The following APBA1 variants were observed in gnomAD, a reference collection of about 807,000 sequenced individuals.
APBA1 encodes amyloid-beta A4 precursor protein-binding family A member 1.
A neutral mutation model predicts 86.6 loss-of-function variants in APBA1; 55 were observed. The ratio of observed to expected loss-of-function variants is 0.64; its 90% confidence interval spans 0.51 to 0.80. The LOEUF (loss-of-function observed/expected upper bound fraction) is 0.80, where lower values mean the gene tolerates loss of function less well. APBA1 is among the 30% of genes least tolerant of loss of function. The pLI is 0.00. For synonymous variants in APBA1, 511 were observed against 493.9 expected, an observed-to-expected ratio of 1.03 and a Z score of -0.46; for missense variants, 1,090 against 1,183.0, an observed-to-expected ratio of 0.92 and a Z score of 1.15.
At position 69,517,120 on chromosome 9, in the gene APBA1, G is replaced by A. The variant is rs1395282358; in HGVS notation, c.91C>T (p.His31Tyr). ...TGCTGTTCCTCTTCCACCTCGGGGTGCTCCAGGTCGGCCTCCACCGACTCG... is the reference window on the plus strand; with the variant it reads ...TGCTGTTCCTCTTCCACCTCGGGGTACTCCAGGTCGGCCTCCACCGACTCG... ...VNESVEADLE[H>Y]PEVEEEQQQP... Residue 31 changes from histidine to tyrosine, a missense_variant, in exon 2 of 13, where the codon CAC becomes TAC. This residue lies in a region of APBA1 where 678 missense variants were observed against 647.1 expected (regional missense o/e 1.05). Transcript: ENST00000265381. 1.3e-6 allele frequency: 2 copies of A among 1,571,960 alleles called. No homozygotes were observed. Among genetic ancestry groups the A allele is most frequent in the Non-Finnish European group, 1.7e-6 (2 of 1,161,662 alleles).
chr9:69,545,570 G>A (rs931063521), intron 1 of APBA1, among the ~76,000 whole-genome samples: 1 of 152,198 alleles, frequency 6.6e-6, no homozygotes, highest in Admixed American at 6.5e-5. Flanking sequence ...TAGTCATAAA[G>A]CGTTGGATTT....
At chr9:69,527,638 T>C (rs928878803) in intron 1 of APBA1, among the ~76,000 whole-genome samples, 1 of 152,092 alleles carries the variant, frequency 6.6e-6, no homozygotes, top group African/African-American at 2.4e-5. Context: ...ACTGAGCCCA[T>C]AAAGTGATAC....
rs554514430 is a variant in APBA1, at chr9:69,609,662, C to A, written c.-70+62491G>T. On this transcript the variant is annotated intron_variant, in intron 1 of 12. Transcript: ENST00000265381. ...GGGATCAAAGTGAGCTCACTTCAGA[C>A]AAATGTGCAGCCCCTAGAATTGAGT... Among the ~76,000 whole-genome samples the A allele has an allele frequency of 2.6e-5, 4 of 152,314 alleles. No individual in the cohort carries two copies. The South Asian group carries it at 8.3e-4, about 32-fold the overall frequency.
chr9:69,561,857 C>T (rs1220927788), intron 1 of APBA1, among the ~76,000 whole-genome samples: 2 of 152,040 alleles, frequency 1.3e-5, no homozygotes, highest in Admixed American at 6.6e-5. Flanking sequence ...GAACTCCTGA[C>T]CTCAGGTGAT....
Position 69,531,145 on chromosome 9 carries a change from C to T in APBA1, c.-69-13866G>A, listed in dbSNP as rs568185951. ...TCATCAAAATCCATAGTGTATCTTA[C>T]ACTAGAGCACATATCAATTTGGACT... On this transcript the variant is annotated intron_variant, in intron 1 of 12. Transcript: ENST00000265381. Among the ~76,000 whole-genome samples the T allele has an allele frequency of 3.2e-4, 49 of 152,202 alleles. 1 individual carries two copies. The highest frequency in any genetic ancestry group is 1.5e-3 in the Admixed American group (23 of 15,290).
chr9:69,471,609 A>G (rs746688518), intron 4 of APBA1, 47 bp downstream of exon 4: 19 of 1,543,686 alleles, frequency 1.2e-5, no homozygotes, highest in Admixed American at 1.7e-5. Context: ...CAATGCTAAA[A>G]GATTCATGAA....
intron 1 of APBA1, among the ~76,000 whole-genome samples, chr9:69,588,396 AT>A (rs574898152): frequency 0.029 from 4,261 of 148,610 alleles, 91 homozygotes; most frequent in African/African-American, 0.055. Context: ...CAAGTTCATG[AT>A]TTTTTTTTTT....
At chr9:69,498,161 A>C (rs1244660577) in intron 2 of APBA1, among the ~76,000 whole-genome samples, 1 of 152,246 alleles carries the variant, frequency 6.6e-6, no homozygotes, top group East Asian at 1.9e-4. Flanking sequence ...ACAAAAAACC[A>C]TGACTTCCAT....
intron 8 of APBA1, 72 bp from the exon 9 acceptor site, chr9:69,452,373 C>A: frequency 6.8e-7 from 1 of 1,465,332 alleles, no homozygotes; most frequent in African/African-American, 1.4e-5. Flanking sequence ...GCGCACTTCC[C>A]ACCTGAACAA....
chr9:69,493,322 T>C (rs1461785222), intron 2 of APBA1, among the ~76,000 whole-genome samples: 1 of 152,096 alleles, frequency 6.6e-6, no homozygotes, highest in Non-Finnish European at 1.5e-5. Context: ...TGAACTACTT[T>C]CTGTTCCCAG....
intron 1 of APBA1, among the ~76,000 whole-genome samples, chr9:69,598,827 T>G (rs1452074597): frequency 6.6e-6 from 1 of 152,226 alleles, no homozygotes; most frequent in Non-Finnish European, 1.5e-5. Context: ...GGAAGATTCT[T>G]GAAAGTCCAA....
intron 10 of APBA1, 21 bp from the exon 11 acceptor site, chr9:69,441,136 A>G (rs762682471): frequency 1.9e-6 from 3 of 1,611,598 alleles, no homozygotes; most frequent in Non-Finnish European, 2.5e-6. Flanking sequence ...AATAAAGTAC[A>G]GTGGGTATGG....
At chr9:69,566,749 G>A (rs1281613942) in intron 1 of APBA1, among the ~76,000 whole-genome samples, 1 of 152,058 alleles carries the variant, frequency 6.6e-6, no homozygotes, top group South Asian at 2.1e-4. Flanking sequence ...TCCCCGAGGC[G>A]TCTTCAATGC....
chr9:69,666,419 C>T (rs1823841202), intron 1 of APBA1, among the ~76,000 whole-genome samples: 1 of 151,370 alleles, frequency 6.6e-6, no homozygotes, highest in Admixed American at 6.6e-5. Flanking sequence ...CAGTCCATTG[C>T]TCTCTCTCTT....
At chr9:69,608,804 C>A (rs1822526310) in intron 1 of APBA1, among the ~76,000 whole-genome samples, 1 of 152,142 alleles carries the variant, frequency 6.6e-6, no homozygotes, top group Non-Finnish European at 1.5e-5. Flanking sequence ...CAACTTTGAG[C>A]CCTAATTTTC....
chr9:69,570,214 G>A (rs577523034), intron 1 of APBA1, among the ~76,000 whole-genome samples: 9 of 152,298 alleles, frequency 5.9e-5, no homozygotes, highest in Admixed American at 2.6e-4. Context: ...AGTGTACTGA[G>A]TGCCGACTCT....
chr9:69,599,574 T>A (rs1391808446), intron 1 of APBA1, among the ~76,000 whole-genome samples: 1 of 152,184 alleles, frequency 6.6e-6, no homozygotes, highest in African/African-American at 2.4e-5. Context: ...AATTAGTAAT[T>A]CATCAACCTA....
chr9:69,505,695 A>G (rs1835947960), intron 2 of APBA1, among the ~76,000 whole-genome samples: 1 of 152,084 alleles, frequency 6.6e-6, no homozygotes, highest in Non-Finnish European at 1.5e-5. Flanking sequence ...TGTTGCCTAT[A>G]GACAGATCAG....
rs112061078 is a variant in APBA1, at chr9:69,443,588, C to G, written c.2182-2473G>C. ...ACCCTGATGATGAAACTAATTGAAC[C>G]AAAATGACTGTAACTACCTGTCATT... On this transcript the variant is annotated intron_variant, in intron 10 of 12. Transcript: ENST00000265381. Among the ~76,000 whole-genome samples, 41 of 152,304 alleles carry G rather than the reference C, an allele frequency of 2.7e-4. 1 individual carries two copies. The highest frequency in any genetic ancestry group is 7.0e-4 in the African/African-American group (29 of 41,564).
Sources: gnomAD v4.1 joint callset for allele counts (sites outside exome capture counted in the v4.1 genomes callset) on GRCh38, gnomAD v4.1.1 for gene constraint, gnomAD v4.1.1 regional missense constraint, MANE v1.5 for transcripts, NCBI Gene and HGNC (gene_info 2026-07-23, HGNC 2026-07-21) for gene names.